The following SPAG16 variants were observed in gnomAD, a reference collection of about 807,000 sequenced individuals.
The protein encoded by SPAG16 is sperm associated antigen 16.
Under a neutral mutation model 80.4 loss-of-function variants are expected in SPAG16, and 86 were observed. The ratio of observed to expected loss-of-function variants is 1.07; its 90% confidence interval spans 0.90 to 1.28. The LOEUF (loss-of-function observed/expected upper bound fraction) is 1.28, where lower values mean the gene tolerates loss of function less well. SPAG16 is among the 50% of genes most tolerant of loss of function. The pLI is 0.00. For missense variants in SPAG16, 870 were observed against 765.3 expected (o/e 1.14, Z -1.61); for synonymous variants, 294 against 265.9 (o/e 1.11, Z -1.03).
chr2:213,529,353 G>A (rs1430430315), intron 10 of SPAG16, among the ~76,000 whole-genome samples: 3 of 152,118 alleles, frequency 2.0e-5, no homozygotes, highest in Admixed American at 6.6e-5. Flanking sequence ...GCTGATTTCT[G>A]TATTAAACCC....
At chr2:213,470,450 T>G (rs2073015748) in intron 9 of SPAG16, among the ~76,000 whole-genome samples, 1 of 152,152 alleles carries the variant, frequency 6.6e-6, no homozygotes, top group African/African-American at 2.4e-5. Context: ...CCGGAGTAAG[T>G]GTGTATTCCA....
Position 213,594,754 on chromosome 2 carries a change from G to C in SPAG16, c.1070+104664G>C, listed in dbSNP as rs2060828893. On this transcript the variant is annotated intron_variant, in intron 10 of 15. Transcript: ENST00000331683. ...GACGTGATAAGGGATAGACACACAG[G>C]AGACAATTAACAGATGTTTGCGAAC... Among the ~76,000 whole-genome samples, 3 of 152,272 alleles carry C rather than the reference G, an allele frequency of 2.0e-5. No individual in the cohort carries two copies. In the South Asian group the frequency reaches 6.2e-4, roughly 32 times the overall value.
At chr2:213,807,475 G>A (rs991930111) in intron 10 of SPAG16, among the ~76,000 whole-genome samples, 2 of 151,932 alleles carry the variant, frequency 1.3e-5, no homozygotes, top group South Asian at 4.2e-4. Context: ...ACATCCAATT[G>A]CCTCCTTGAA....
intron 11 of SPAG16, among the ~76,000 whole-genome samples, chr2:213,892,812 C>G (rs1350956415): frequency 6.6e-6 from 1 of 151,982 alleles, no homozygotes; most frequent in African/African-American, 2.4e-5. Context: ...TAGAAGAGTA[C>G]CTCAGAAGAC....
chr2:213,302,675 G>A (rs1337339640), intron 3 of SPAG16: 1 of 146,154 alleles, frequency 6.8e-6, no homozygotes, highest in Non-Finnish European at 1.5e-5. Flanking sequence ...TATAAATGCA[G>A]AAGAACTATA....
At chr2:213,763,954 T>C (rs2068798410) in intron 10 of SPAG16, among the ~76,000 whole-genome samples, 1 of 152,138 alleles carries the variant, frequency 6.6e-6, no homozygotes, top group East Asian at 1.9e-4. Flanking sequence ...CTTCAGGAGG[T>C]GTGTGAACCA....
intron 13 of SPAG16, among the ~76,000 whole-genome samples, chr2:214,042,238 C>T (rs957278628): frequency 1.3e-5 from 2 of 151,442 alleles, no homozygotes; most frequent in African/African-American, 2.4e-5. Flanking sequence ...GGATTACAGA[C>T]GTGCATCACC....
intron 12 of SPAG16, among the ~76,000 whole-genome samples, chr2:213,993,581 G>C (rs952247644): frequency 2.0e-5 from 3 of 152,042 alleles, no homozygotes; most frequent in African/African-American, 7.2e-5. Context: ...CAACTTTAAG[G>C]GGAAGAAATA....
intron 15 of SPAG16, among the ~76,000 whole-genome samples, chr2:214,292,482 A>C (rs1693867841): frequency 6.6e-6 from 1 of 151,998 alleles, no homozygotes; most frequent in South Asian, 2.1e-4. Flanking sequence ...TCATTTAATA[A>C]ATTTTTCATT....
At chr2:213,492,961 C>T (rs995484118) in intron 10 of SPAG16, among the ~76,000 whole-genome samples, 4 of 152,154 alleles carry the variant, frequency 2.6e-5, no homozygotes, top group South Asian at 2.1e-4. Context: ...CTCTCTCTCT[C>T]GTTTCTCCTT....
chr2:213,434,139 C>G (rs968486007), intron 9 of SPAG16, among the ~76,000 whole-genome samples: 2 of 151,926 alleles, frequency 1.3e-5, no homozygotes, highest in African/African-American at 2.4e-5. Flanking sequence ...AGGCTGGTCT[C>G]GAACTCCTGA....
At chr2:214,153,832 T>C (rs1381452049) in intron 15 of SPAG16, among the ~76,000 whole-genome samples, 1 of 152,160 alleles carries the variant, frequency 6.6e-6, no homozygotes, top group Non-Finnish European at 1.5e-5. Context: ...CCCTAGAGTT[T>C]AGCTTTTCCT....
chr2:213,958,788 ATAAAC>A (rs1440089166), intron 12 of SPAG16, among the ~76,000 whole-genome samples: 2 of 152,214 alleles, frequency 1.3e-5, no homozygotes, highest in African/African-American at 4.8e-5. Flanking sequence ...ACAGTGAATT[ATAAAC>A]TATTGCTACT....
At chr2:213,903,665 T>C (rs1388478567) in intron 11 of SPAG16, among the ~76,000 whole-genome samples, 1 of 152,170 alleles carries the variant, frequency 6.6e-6, no homozygotes, top group African/African-American at 2.4e-5. Context: ...GGGGATTAAT[T>C]CCGCTCCTTG....
intron 9 of SPAG16, among the ~76,000 whole-genome samples, chr2:213,404,926 C>T (rs1255205268): frequency 6.6e-6 from 1 of 152,008 alleles, no homozygotes. Context: ...TAGGATTATG[C>T]TTCCAAAGCT....
intron 9 of SPAG16, among the ~76,000 whole-genome samples, chr2:213,429,749 A>G (rs2070171649): frequency 6.6e-6 from 1 of 152,228 alleles, no homozygotes; most frequent in African/African-American, 2.4e-5. Context: ...GAAATTCCAC[A>G]GATTCTTTGC....
At chr2:213,626,641 A>ATTT (rs10582370) in intron 10 of SPAG16, among the ~76,000 whole-genome samples, 64 of 98,962 alleles carry the variant, frequency 6.5e-4, no homozygotes, top group Middle Eastern at 7.8e-3. Context: ...ATCGGGCTCA[A>ATTT]TTTTTTTTTT....
At chr2:213,473,013 T>C (rs2073171709) in intron 9 of SPAG16, among the ~76,000 whole-genome samples, 1 of 152,204 alleles carries the variant, frequency 6.6e-6, no homozygotes. Flanking sequence ...GGGTTCTGTG[T>C]CTGTAAACTG....
At position 214,059,222 on chromosome 2, in the gene SPAG16, G is replaced by GTATATATATATA. The variant is rs34244219; in HGVS notation, c.1527+45153_1527+45164dup. 7.7e-3 allele frequency among the ~76,000 whole-genome samples: 935 copies of GTATATATATATA among 121,232 alleles called. 13 individuals carry two copies. Among genetic ancestry groups the GTATATATATATA allele is most frequent in the East Asian group, 0.022 (88 of 4,032 alleles). The allele number at this position is 121,232 out of a possible 152,430, so 79.5% of individuals were successfully genotyped here. Reference sequence around the variant, plus strand: ...TATATATATATATATATATGTATGTGTATATATATATATATATATGTATGT... The same window carrying GTATATATATATA: ...TATATATATATATATATATGTATGTGTATATATATATATATATATATATATATATATGTATGT... On this transcript the variant is annotated intron_variant, in intron 13 of 15. Transcript: ENST00000331683.
Sources: allele counts gnomAD v4.1 joint callset (sites outside exome capture counted in the v4.1 genomes callset), GRCh38; gene constraint gnomAD v4.1.1; transcripts MANE v1.5; gene names NCBI Gene and HGNC (gene_info 2026-07-23, HGNC 2026-07-21).